RBFOX1: variants seen among roughly 807,000 people sequenced by gnomAD.
The protein encoded by RBFOX1 is RNA binding protein fox-1 homolog 1.
Under a neutral mutation model 57.7 loss-of-function variants are expected in RBFOX1, and 8 were observed. That is an observed-to-expected ratio of 0.14 (90% CI 0.08 to 0.25). RBFOX1 has a LOEUF of 0.25. Among genes scored for constraint, RBFOX1 ranks in the 10% least tolerant of loss-of-function variants. The pLI is 1.00. For synonymous variants in RBFOX1, 326 were observed against 222.4 expected (o/e 1.47, Z -4.15); for missense variants, 611 against 548.5 (o/e 1.11, Z -1.14).
At chr16:6,913,413 T>C (rs1454891525) in intron 3 of RBFOX1, among the ~76,000 whole-genome samples, 1 of 152,076 alleles carries the variant, frequency 6.6e-6, no homozygotes, top group Non-Finnish European at 1.5e-5. Context: ...AGCCACGGCA[T>C]TGTTTGAGAA....
intron 5 of RBFOX1, among the ~76,000 whole-genome samples, chr16:7,553,205 T>C: frequency 6.6e-6 from 1 of 152,134 alleles, no homozygotes; most frequent in East Asian, 1.9e-4. Flanking sequence ...AGTGCAGTGG[T>C]GCAATCATAG....
intron 3 of RBFOX1, among the ~76,000 whole-genome samples, chr16:5,799,128 G>A (rs865940861): frequency 3.9e-5 from 6 of 152,064 alleles, no homozygotes; most frequent in South Asian, 2.1e-4. Context: ...CAGGTGAAAG[G>A]CACATCTTAC....
intron 3 of RBFOX1, among the ~76,000 whole-genome samples, chr16:6,792,953 C>T (rs1442431509): frequency 2.6e-5 from 4 of 151,274 alleles, no homozygotes; most frequent in East Asian, 3.9e-4. Context: ...TGCTTGAACC[C>T]GTGAGGCAGA....
intron 11 of RBFOX1, 21 bp downstream of exon 11, chr16:7,630,704 C>G (rs763040234): frequency 1.1e-5 from 18 of 1,613,698 alleles, no homozygotes; most frequent in Non-Finnish European, 1.4e-5. Flanking sequence ...TGTCGTGGCT[C>G]TTTTTGTTTT....
intron 4 of RBFOX1, among the ~76,000 whole-genome samples, chr16:7,076,831 A>G (rs991064084): frequency 1.3e-5 from 2 of 152,172 alleles, no homozygotes; most frequent in African/African-American, 2.4e-5. Flanking sequence ...AGCCCTGGGG[A>G]TAATGACACA....
At chr16:6,786,249 T>C (rs1039433685) in intron 3 of RBFOX1, among the ~76,000 whole-genome samples, 2 of 152,156 alleles carry the variant, frequency 1.3e-5, no homozygotes, top group African/African-American at 4.8e-5. Context: ...CTCACAAGTA[T>C]GGGCCTGGCC....
intron 2 of RBFOX1, among the ~76,000 whole-genome samples, chr16:6,590,461 C>A (rs764128393): frequency 6.6e-6 from 1 of 152,156 alleles, no homozygotes; most frequent in Non-Finnish European, 1.5e-5. Context: ...TACACAGTAG[C>A]AGGCCTGTAT....
At chr16:7,708,142 C>T (rs935467340) in intron 14 of RBFOX1, among the ~76,000 whole-genome samples, 1 of 152,060 alleles carries the variant, frequency 6.6e-6, no homozygotes, top group Non-Finnish European at 1.5e-5. Context: ...AGTTTTGAAC[C>T]AACCTGAGTA....
chr16:5,600,137 A>C (rs1414189569), exon 3 of RBFOX1: 1 of 150,150 alleles, frequency 6.7e-6, no homozygotes, highest in African/African-American at 2.5e-5. Context: ...AAAATACAAA[A>C]AAAAAAAAAA....
intron 2 of RBFOX1, among the ~76,000 whole-genome samples, chr16:6,523,813 C>A (rs1739991666): frequency 6.6e-6 from 1 of 152,130 alleles, no homozygotes; most frequent in Admixed American, 6.5e-5. Flanking sequence ...TTTGAAGGTA[C>A]AGGTAAGATT....
At chr16:6,282,880 A>C (rs12596503) in intron 1 of RBFOX1, among the ~76,000 whole-genome samples, 2,346 of 152,338 alleles carry the variant, frequency 0.015, 43 homozygotes, top group East Asian at 0.047. Context: ...TTCATTAAGT[A>C]CTTTGCATCT....
At chr16:7,286,820 G>A (rs1443608108) in intron 4 of RBFOX1, among the ~76,000 whole-genome samples, 1 of 151,648 alleles carries the variant, frequency 6.6e-6, no homozygotes, top group Non-Finnish European at 1.5e-5. Context: ...GTAGAGACAG[G>A]GTTTAGCCAT....
At chr16:5,981,707 G>A (rs1262440855) in intron 4 of RBFOX1, among the ~76,000 whole-genome samples, 1 of 152,100 alleles carries the variant, frequency 6.6e-6, no homozygotes, top group African/African-American at 2.4e-5. Context: ...GACCTCGAGT[G>A]GTCCACCTGC....
chr16:5,496,028 A>ACTCG (rs2042990460), intron 2 of RBFOX1, among the ~76,000 whole-genome samples: 1 of 152,194 alleles, frequency 6.6e-6, no homozygotes, highest in Non-Finnish European at 1.5e-5. Context: ...CGGGAGGCTG[A>ACTCG]GGTAGAAGAA....
At chr16:5,919,110 T>C (rs1050492463) in intron 4 of RBFOX1, among the ~76,000 whole-genome samples, 2 of 152,156 alleles carry the variant, frequency 1.3e-5, no homozygotes, top group Non-Finnish European at 2.9e-5. Context: ...CATAGGTACC[T>C]GGAAAATTGG....
At position 5,424,925 on chromosome 16, in the gene RBFOX1, T is replaced by TTC. The variant is rs1555514820; in HGVS notation, c.220-42289_220-42288dup. On this transcript the variant is annotated intron_variant, in intron 1 of 2. Transcript: ENST00000585867. Reference sequence around the variant, plus strand: ...TTTCTTTCTTTCTTTCTTTCTTTCTTTCTTTCTTTCTCTCTCTTCTTTCTT... The same window carrying TTC: ...TTTCTTTCTTTCTTTCTTTCTTTCTTTCTCTTTCTTTCTCTCTCTTCTTTCTT... Among the ~76,000 whole-genome samples the TTC allele has an allele frequency of 3.1e-3, 319 of 102,822 alleles. 19 individuals are homozygous for TTC. Among genetic ancestry groups the TTC allele is most frequent in the African/African-American group, 0.011 (305 of 27,578 alleles). The allele number at this position is 102,822 out of a possible 152,430, so 67.5% of individuals were successfully genotyped here.
intron 1 of RBFOX1, chr16:5,467,190 C>CTT (rs1567553535): frequency 6.8e-6 from 10 of 1,464,744 alleles, no homozygotes; most frequent in African/African-American, 1.5e-5. Context: ...CTCTCTCTCT[C>CTT]TCTCTCTTTT....
intron 1 of RBFOX1, among the ~76,000 whole-genome samples, chr16:5,294,412 C>G (rs1261108179): frequency 6.6e-6 from 1 of 152,112 alleles, no homozygotes; most frequent in African/African-American, 2.4e-5. Context: ...TGAACTTGTT[C>G]ATGTTTTACT....
chr16:6,511,656 C>T (rs933585184), intron 2 of RBFOX1, among the ~76,000 whole-genome samples: 21 of 152,130 alleles, frequency 1.4e-4, no homozygotes, highest in Admixed American at 1.4e-3. Context: ...TACTAACTCC[C>T]TGGTGAAGAA....
Sources: gnomAD v4.1 joint callset for allele counts (sites outside exome capture counted in the v4.1 genomes callset) on GRCh38, gnomAD v4.1.1 for gene constraint, MANE v1.5 for transcripts, NCBI Gene and HGNC (gene_info 2026-07-23, HGNC 2026-07-21) for gene names.